DHX29: variants seen among roughly 807,000 people sequenced by gnomAD.
DHX29 encodes the protein DExH-box helicase 29.
Under a neutral mutation model 167.9 loss-of-function variants are expected in DHX29, and 79 were observed. The observed-to-expected ratio is 0.47, with a 90% CI of 0.39 to 0.57. The LOEUF (loss-of-function observed/expected upper bound fraction) is 0.57, where lower values mean the gene tolerates loss of function less well. Among genes scored for constraint, DHX29 ranks in the 20% least tolerant of loss-of-function variants. The pLI, the probability that DHX29 is intolerant of heterozygous loss-of-function variation, is 0.00. For missense variants in DHX29, 1,347 were observed against 1,593.4 expected (o/e 0.85, Z 2.63); for synonymous variants, 530 against 546.0 (o/e 0.97, Z 0.41).
Position 55,290,363 on chromosome 5 carries a change from T to C in DHX29, c.781-19A>G, listed in dbSNP as rs1432307696. The stretch of plus-strand genomic sequence containing the variant: ...TTTCATTCTGTTCCAAATAAAACAA[T>C]GAGGAGGGGGAAAAAAAAAGAAGAG... On this transcript the variant is annotated intron_variant, in intron 6 of 26. Coordinates refer to ENST00000251636, the MANE Select transcript of DHX29 (RefSeq NM_019030.4). The C allele has an allele frequency of 1.3e-6, 2 of 1,561,458 alleles. No individual in the cohort carries two copies. The highest frequency in any genetic ancestry group is 2.3e-5 in the East Asian group (1 of 43,936).
chr5:55,280,957 G>T (rs1236371285), intron 12 of DHX29, among the ~76,000 whole-genome samples: 2 of 151,806 alleles, frequency 1.3e-5, no homozygotes, highest in Admixed American at 6.6e-5. Flanking sequence ...TGGTATGAAG[G>T]ACCCCACAAA....
chr5:55,302,491 G>C (rs1180627394), intron 1 of DHX29, among the ~76,000 whole-genome samples: 1 of 151,302 alleles, frequency 6.6e-6, no homozygotes, highest in East Asian at 1.9e-4. Flanking sequence ...GTGGTGGCTT[G>C]TGCCTGTAAT....
chr5:55,268,575 C>A (rs1252328596), intron 21 of DHX29, among the ~76,000 whole-genome samples: 1 of 152,030 alleles, frequency 6.6e-6, no homozygotes, highest in Admixed American at 6.6e-5. Flanking sequence ...CAGGGGTGCA[C>A]CACCATGCCC....
At chr5:55,269,786 T>G in intron 20 of DHX29, 149 bp from the exon 21 acceptor site, 3 of 590,044 alleles carry the variant, frequency 5.1e-6, no homozygotes, top group Non-Finnish European at 8.8e-6. Context: ...ATTTTTTTTA[T>G]AATGGGGGTA....
Position 55,283,300 on chromosome 5 carries a change from C to T in DHX29, c.1868G>A (p.Cys623Tyr). 6.2e-7 allele frequency: 1 copy of T among 1,614,170 alleles called. No homozygotes were observed. The highest frequency in any genetic ancestry group is 2.2e-5 in the East Asian group (1 of 44,884). ...TCGGGGTTGGGTACAGACAATGTTA[C>T]ATTTACTTGCTTCCCACTCATTTAG... ...LLLNEWEASKCNIVCTQPRRI... is the reference protein window; with the variant it reads ...LLLNEWEASKYNIVCTQPRRI... The change falls in exon 11 of 27, where the codon TGT becomes TAT. Residue 623 changes from cysteine to tyrosine, a missense_variant. Cys to Tyr is a radical substitution (Grantham distance 194). Coordinates refer to ENST00000251636, the MANE Select transcript of DHX29 (RefSeq NM_019030.4).
chr5:55,261,891 T>TA (rs778207358), intron 24 of DHX29, among the ~76,000 whole-genome samples: 1 of 152,178 alleles, frequency 6.6e-6, no homozygotes, highest in Non-Finnish European at 1.5e-5. Context: ...GTTTTACATT[T>TA]AAGTTTGATA....
intron 8 of DHX29, among the ~76,000 whole-genome samples, chr5:55,286,098 CA>C (rs1245704388): frequency 1.3e-5 from 2 of 151,670 alleles, no homozygotes; most frequent in Non-Finnish European, 2.9e-5. Flanking sequence ...ACTAAAAGTA[CA>C]AAAAAATTAT....
chr5:55,258,213 A>G (rs1316193542), intron 26 of DHX29, among the ~76,000 whole-genome samples: 1 of 152,206 alleles, frequency 6.6e-6, no homozygotes, highest in Non-Finnish European at 1.5e-5. Context: ...AGAATACAGC[A>G]CCAACTAGAA....
At chr5:55,269,752 A>C in intron 20 of DHX29, 115 bp from the exon 21 acceptor site, 3 of 767,772 alleles carry the variant, frequency 3.9e-6, no homozygotes, top group Admixed American at 2.5e-5. Flanking sequence ...AGAGGGTAAA[A>C]TGTGAAAGTA....
At chr5:55,303,653 G>C (rs924366543) in intron 1 of DHX29, among the ~76,000 whole-genome samples, 1 of 151,912 alleles carries the variant, frequency 6.6e-6, no homozygotes, top group African/African-American at 2.4e-5. Context: ...TTCTTTCTTC[G>C]CTCCAGCCAC....
chr5:55,291,089 T>C (rs1748021495), intron 6 of DHX29, among the ~76,000 whole-genome samples: 1 of 152,224 alleles, frequency 6.6e-6, no homozygotes, highest in Admixed American at 6.5e-5. Context: ...ATCTGAAAGT[T>C]AACTTCACAT....
At position 55,283,628 on chromosome 5, in the gene DHX29, T is replaced by G. The variant is rs764407684; in HGVS notation, c.1540A>C (p.Arg514=). ...QQQQQHSENK[R]ENSEDPEESW... Reference sequence around the variant, plus strand: ...TCCTCGGGATCTTCAGAGTTTTCTCTCTTATTTTCAGAATGCTGTTGTTGC... The same window carrying G: ...TCCTCGGGATCTTCAGAGTTTTCTCGCTTATTTTCAGAATGCTGTTGTTGC... Residue 514 remains arginine (R), a synonymous_variant, in exon 11 of 27, where the codon AGA becomes CGA. Transcript: ENST00000251636. 1.5e-5 allele frequency: 24 copies of G among 1,613,892 alleles called. No homozygotes were observed. In the Middle Eastern group the frequency reaches 4.9e-4, roughly 33 times the overall value.
rs568433230 is a variant in DHX29 at position 55,287,880 on chromosome 5, TG to T, written c.1066+1389del. Among the ~76,000 whole-genome samples, 152 of 138,626 alleles carry T rather than the reference TG, an allele frequency of 1.1e-3. 1 individual carries two copies. Among genetic ancestry groups the T allele is most frequent in the African/African-American group, 4.0e-3 (147 of 36,528 alleles). The allele number at this position is 138,626 out of a possible 152,430, so 90.9% of individuals were successfully genotyped here. A position where few individuals can be genotyped will look rare whatever the true frequency, so the allele number is the denominator to read the frequency against. On this transcript the variant is annotated intron_variant, in intron 8 of 26. Transcript: ENST00000251636. ...AGGAGAATTGCTTGAATCCAGGAGG[TG>T]GAGGTTGCAGTGAACCGAGATTGTG...
At chr5:55,266,824 A>G (rs1746602033) in intron 23 of DHX29, among the ~76,000 whole-genome samples, 1 of 152,092 alleles carries the variant, frequency 6.6e-6, no homozygotes, top group Admixed American at 6.6e-5. Context: ...CTATGTGCCC[A>G]GGCTGGTCTC....
chr5:55,283,779 T>G lies in DHX29; in HGVS notation c.1389A>C (p.Arg463=). ...CATCACTCCACTCCAGCCAAACATCTCGGTAAGTGGGAGGAAGTAACTGAT... is the reference window on the plus strand; with the variant it reads ...CATCACTCCACTCCAGCCAAACATCGCGGTAAGTGGGAGGAAGTAACTGAT... The part of the protein sequence containing the change: ...SVHQLLPPTY[R]DVWLEWSDAE... The change falls in exon 11 of 27, where the codon CGA becomes CGC. Residue 463 remains arginine, a synonymous_variant. Coordinates refer to ENST00000251636, the MANE Select transcript of DHX29 (RefSeq NM_019030.4). The G allele has an allele frequency of 6.2e-7, 1 of 1,606,170 alleles. No individual in the cohort carries two copies. Among genetic ancestry groups the G allele is most frequent in the Non-Finnish European group, 8.5e-7 (1 of 1,176,824 alleles).
chr5:55,275,625 C>G (rs1344395451), intron 14 of DHX29, among the ~76,000 whole-genome samples: 3 of 152,058 alleles, frequency 2.0e-5, no homozygotes, highest in African/African-American at 7.2e-5. Flanking sequence ...GGATCTAGTA[C>G]TACTGGCTAA....
intron 6 of DHX29, 83 bp from the exon 7 acceptor site, chr5:55,290,427 ATCTGTGATATTTTTACCTTATCCT>A: frequency 7.1e-7 from 1 of 1,414,404 alleles, no homozygotes; most frequent in Non-Finnish European, 9.4e-7. Flanking sequence ...CTGTATCAAA[ATCTGTGATATTTTTACCTTATCCT>A]TTGATCCAGC....
chr5:55,260,833 T>C (rs1746279527), intron 25 of DHX29, among the ~76,000 whole-genome samples: 1 of 152,138 alleles, frequency 6.6e-6, no homozygotes, highest in Non-Finnish European at 1.5e-5. Flanking sequence ...TAAGCATAGG[T>C]TGGTCTAATT....
At position 55,267,782 on chromosome 5, in the gene DHX29, G is replaced by T; in HGVS notation, c.3335C>A (p.Thr1112Asn). Reference protein sequence around the residue: ...AAVMTEKSPFTTPIGRKDEAD... With the variant: ...AAVMTEKSPFNTPIGRKDEAD... Reference sequence around the variant, plus strand: ...TTCATCTTTTCGACCAATTGGTGTGGTAAAAGGAGACTTCTCTGTCATAAC... The same window carrying T: ...TTCATCTTTTCGACCAATTGGTGTGTTAAAAGGAGACTTCTCTGTCATAAC... The change falls in exon 22 of 27, where the codon ACC becomes AAC. Residue 1112 changes from threonine (T) to asparagine (N), a missense_variant. Thr to Asn is a moderately conservative substitution (Grantham distance 65). Transcript: ENST00000251636. 6.2e-7 allele frequency: 1 copy of T among 1,605,922 alleles called. No homozygotes were observed. Among genetic ancestry groups the T allele is most frequent in the Non-Finnish European group, 8.5e-7 (1 of 1,175,654 alleles).
Sources: gnomAD v4.1 joint callset for allele counts (sites outside exome capture counted in the v4.1 genomes callset) on GRCh38, gnomAD v4.1.1 for gene constraint, MANE v1.5 for transcripts, NCBI Gene and HGNC (gene_info 2026-07-23, HGNC 2026-07-21) for gene names.